Variants in ARL16 observed in about 807,000 individuals in gnomAD.
ARL16 encodes ARF like GTPase 16.
In ARL16, 21 loss-of-function variants were observed where a neutral mutation model predicts 14.1. The observed-to-expected ratio is 1.48, with a 90% CI of 1.05 to 2.14. The LOEUF (loss-of-function observed/expected upper bound fraction) is 2.14, where lower values mean the gene tolerates loss of function less well. Among genes scored for constraint, ARL16 ranks in the 30% most tolerant of loss-of-function variants. The probability of loss-of-function intolerance (pLI) is 0.00; values close to 1 mark genes in which losing one functional copy is unlikely to be tolerated. For synonymous variants in ARL16, 122 were observed against 91.8 expected (o/e 1.33, Z -1.88); for missense variants, 248 against 222.0 (o/e 1.12, Z -0.74).
intron 4 of ARL16, 60 bp from the exon 5 acceptor site, chr17:81,681,939 C>T: frequency 3.8e-6 from 6 of 1,568,634 alleles, no homozygotes; most frequent in African/African-American, 1.3e-5. Context: ...CCCGGACCCC[C>T]AGCTGCACCA....
intron 2 of ARL16, 180 bp downstream of exon 2, chr17:81,683,355 CG>C (rs2036895471): frequency 1.8e-5 from 17 of 922,612 alleles, no homozygotes; most frequent in Non-Finnish European, 2.4e-5. Flanking sequence ...CCGTGGAGGG[CG>C]GCAGGCCCCC....
intron 3 of ARL16, 103 bp downstream of exon 3, chr17:81,682,910 A>C: frequency 9.5e-7 from 1 of 1,050,920 alleles, no homozygotes; most frequent in South Asian, 1.3e-5. Context: ...ATAGTCACTA[A>C]ATAACCCAAA....
At chr17:81,682,990 G>T in intron 3 of ARL16, 23 bp downstream of exon 3, 1 of 1,582,290 alleles carries the variant, frequency 6.3e-7, no homozygotes, top group Non-Finnish European at 8.7e-7. Flanking sequence ...CCTAAAGGAA[G>T]CCCATATAGG....
chr17:81,683,375 C>A, intron 2 of ARL16, 161 bp downstream of exon 2: 3 of 1,056,298 alleles, frequency 2.8e-6, no homozygotes, highest in Non-Finnish European at 4.0e-6. Context: ...CCTCATCCCG[C>A]GCCAATTATC....
At position 81,681,837 on chromosome 17, in the gene ARL16, T is replaced by C. The variant is rs748862086; in HGVS notation, c.393A>G (p.Leu131=). ...CYMSTEEMKS[L]IRLPDIIACA... ...AAGCAATGATGTCTGGAAGCCTGAT[T>C]AATGACTTCATCTCCTCCGTGGACA... The change falls in exon 5 of 5, where the codon TTA becomes TTG. Residue 131 remains leucine (L), a synonymous_variant. Coordinates refer to ENST00000622299, the MANE Select transcript of ARL16 (RefSeq NM_001040025.3). 1 of 1,613,180 alleles carries C rather than the reference T, an allele frequency of 6.2e-7. No individual in the cohort carries two copies. The highest frequency in any genetic ancestry group is 1.7e-5 in the Admixed American group (1 of 59,988).
rs1228217289 is a variant in ARL16, at chr17:81,681,786, T to G, written c.444A>C (p.Ala148=). The change falls in exon 5 of 5, where the codon GCA becomes GCC. Residue 148 remains alanine, a synonymous_variant. Transcript: ENST00000622299. ...CAGTGCCTTCACGGGCGCTGATTTC[T>G]GCCGTGGTGATGTTCTGCTTGGCAC... is the stretch of plus-strand genomic sequence containing the variant. ...IACAKQNITT[A]EISAREGTGL... 1 of 1,612,310 alleles carries G rather than the reference T, an allele frequency of 6.2e-7. No homozygotes were observed. The highest frequency in any genetic ancestry group is 1.1e-5 in the South Asian group (1 of 90,784).
chr17:81,683,332 G>A, intron 2 of ARL16: 5 of 845,602 alleles, frequency 5.9e-6, no homozygotes, highest in Non-Finnish European at 8.9e-6. Flanking sequence ...CGTTGCGAGG[G>A]GAGAGGAAGT....
Position 81,683,602 on chromosome 17 carries a change from G to A in ARL16, c.62-8C>T, listed in dbSNP as rs1362564252. On this transcript the variant is annotated splice_region_variant and splice_polypyrimidine_tract_variant and intron_variant, in intron 1 of 4. Transcript: ENST00000622299. ...CATCCCGGGAGCTCACCTGTGCGAA[G>A]CGGTCAAGGACCCGAGCAGCTAAAG... The A allele has an allele frequency of 1.9e-6, 3 of 1,601,076 alleles. No homozygotes were observed. The highest frequency in any genetic ancestry group is 1.1e-5 in the South Asian group (1 of 89,742).
chr17:81,683,425 A>AAG (rs2036897609), intron 2 of ARL16, 111 bp downstream of exon 2: 10 of 1,344,558 alleles, frequency 7.4e-6, no homozygotes, highest in African/African-American at 1.5e-5. Flanking sequence ...GGCTGGCCTT[A>AAG]AGTCACGACC....
At chr17:81,682,882 C>A (rs745786706) in intron 3 of ARL16, 131 bp downstream of exon 3, 8 of 827,336 alleles carry the variant, frequency 9.7e-6, no homozygotes, top group Middle Eastern at 5.6e-4. Context: ...CTAGCTAAGA[C>A]CTATTTCCAT....
chr17:81,681,716 T>G lies in ARL16; in HGVS notation c.514A>C (p.Asn172His). 2 of 1,604,462 alleles carry G rather than the reference T, an allele frequency of 1.2e-6. No individual in the cohort carries two copies. Residue 172 changes from asparagine (N) to histidine (H), a missense_variant, in exon 5 of 5, where the codon AAC (asparagine) becomes CAC (histidine). Asn to His is a moderately conservative substitution (Grantham distance 68, BLOSUM62 1). Coordinates refer to ENST00000622299, the MANE Select transcript of ARL16 (RefSeq NM_001040025.3). The stretch of plus-strand genomic sequence containing the variant: ...GCGCCTCTGCCGTGCAGTCAATCGT[T>G]GGCTCTGTGGGTGGCCTGGAGCCAG... ...LAWLQATHRA[N>H]D
rs769172411 is a variant in ARL16 at position 81,681,821 on chromosome 17, T to C, written c.409A>G (p.Ile137Val). ...EMKSLIRLPD[I>V]IACAKQNITT... ...ATGTTCTGCTTGGCACAAGCAATGATGTCTGGAAGCCTGATTAATGACTTC... is the reference window on the plus strand; with the variant it reads ...ATGTTCTGCTTGGCACAAGCAATGACGTCTGGAAGCCTGATTAATGACTTC... Residue 137 changes from isoleucine (I) to valine (V), a missense_variant, in exon 5 of 5, where the codon ATC becomes GTC. Physicochemically the swap from Ile to Val is conservative, Grantham distance 29. Coordinates refer to ENST00000622299, the MANE Select transcript of ARL16 (RefSeq NM_001040025.3). The C allele has an allele frequency of 1.2e-6, 2 of 1,613,142 alleles. No homozygotes were observed. Among genetic ancestry groups the C allele is most frequent in the South Asian group, 1.1e-5 (1 of 91,020 alleles).
In ARL16 at chr17:81,682,117, G is replaced by C. The variant is rs745849531; in HGVS notation, c.267C>G (p.Leu89=). 2 of 1,612,546 alleles carry C rather than the reference G, an allele frequency of 1.2e-6. No homozygotes were observed. The highest frequency in any genetic ancestry group is 1.7e-6 in the Non-Finnish European group (2 of 1,179,508). The part of the protein sequence containing the change: ...FVMDASDPTQ[L]SASCVQLLGL... Reference sequence around the variant, plus strand: ...CTAAGAGCTGCACACAGGATGCAGAGAGCTGGGTGGGGTCAGAGGCGTCCA... The same window carrying C: ...CTAAGAGCTGCACACAGGATGCAGACAGCTGGGTGGGGTCAGAGGCGTCCA... The change falls in exon 4 of 5, where the codon CTC becomes CTG. Residue 89 remains leucine (L), a synonymous_variant. Coordinates refer to ENST00000622299, the MANE Select transcript of ARL16 (RefSeq NM_001040025.3).
At position 81,681,793 on chromosome 17, in the gene ARL16, G is replaced by A. The variant is rs533909061; in HGVS notation, c.437C>T (p.Thr146Ile). 5 of 1,612,474 alleles carry A rather than the reference G, an allele frequency of 3.1e-6. No homozygotes were observed. Among genetic ancestry groups the A allele is most frequent in the Non-Finnish European group, 4.2e-6 (5 of 1,179,544 alleles). The change falls in exon 5 of 5, where the codon ACC (threonine) becomes ATC (isoleucine). Residue 146 changes from threonine to isoleucine, a missense_variant. Thr to Ile is a moderately conservative substitution (Grantham distance 89). Transcript: ENST00000622299. ...TTCACGGGCGCTGATTTCTGCCGTG[G>A]TGATGTTCTGCTTGGCACAAGCAAT... ...DIIACAKQNI[T>I]TAEISAREGT...
chr17:81,682,845 A>G (rs2036877299), intron 3 of ARL16, 168 bp downstream of exon 3: 2 of 645,078 alleles, frequency 3.1e-6, no homozygotes, highest in Non-Finnish European at 5.3e-6. Flanking sequence ...ACCAGAAACC[A>G]GACAGGGTGC....
chr17:81,681,566 C>G lies in ARL16; in HGVS notation c.*142G>C, dbSNP rs1352290230. On this transcript the variant is annotated 3_prime_UTR_variant, in exon 5 of 5. Coordinates refer to ENST00000622299, the MANE Select transcript of ARL16 (RefSeq NM_001040025.3). ...TCTCCACATGCCTCAGTTTACACAT[C>G]ATTGCATCTCAGCACAGAGCCCCAT... is the stretch of plus-strand genomic sequence containing the variant. The G allele has an allele frequency of 9.9e-7, 1 of 1,012,792 alleles. No homozygotes were observed. Among genetic ancestry groups the G allele is most frequent in the East Asian group, 2.7e-5 (1 of 37,032 alleles). The allele number at this position is 1,012,792 out of a possible 1,614,324, so 62.7% of individuals were successfully genotyped here. A position where few individuals can be genotyped will look rare whatever the true frequency, so the allele number is the denominator to read the frequency against.
rs1010268688 is a variant in ARL16, at chr17:81,681,226, G to C, written c.*482C>G. The C allele has an allele frequency of 2.6e-5, 4 of 152,910 alleles. No homozygotes were observed. Among genetic ancestry groups the C allele is most frequent in the African/African-American group, 9.6e-5 (4 of 41,550 alleles). 9.5% of individuals were successfully genotyped at this position (152,910 alleles called of 1,614,324 possible). ...TTTATTTCTTATATTTTTTAAGACGGAGTTTCACTCTTGTTGCCCAGGTGC... is the reference window on the plus strand; with the variant it reads ...TTTATTTCTTATATTTTTTAAGACGCAGTTTCACTCTTGTTGCCCAGGTGC... On this transcript the variant is annotated 3_prime_UTR_variant, in exon 5 of 5. Transcript: ENST00000622299.
intron 3 of ARL16, 41 bp downstream of exon 3, chr17:81,682,972 C>CA: frequency 3.2e-6 from 5 of 1,551,270 alleles, no homozygotes; most frequent in Non-Finnish European, 4.4e-6. Flanking sequence ...GAAATGTAGA[C>CA]ACACTTCCCT....
chr17:81,682,300 G>A, intron 3 of ARL16, 151 bp from the exon 4 acceptor site: 1 of 565,396 alleles, frequency 1.8e-6, no homozygotes, highest in East Asian at 3.4e-5. Flanking sequence ...GCAGTGGCAC[G>A]ATCTCGGCTC....
Sources: allele counts gnomAD v4.1 joint callset, GRCh38; gene constraint gnomAD v4.1.1; transcripts MANE v1.5; gene names NCBI Gene and HGNC (gene_info 2026-07-23, HGNC 2026-07-21).